Variants in RAP1GAP observed in about 807,000 individuals in gnomAD.
RAP1GAP encodes the protein rap1 GTPase-activating protein 1.
A neutral mutation model predicts 87.2 loss-of-function variants in RAP1GAP; 35 were observed. The ratio of observed to expected loss-of-function variants is 0.40; its 90% CI spans 0.31 to 0.53. The LOEUF (loss-of-function observed/expected upper bound fraction) is 0.53. RAP1GAP is among the 20% of genes least tolerant of loss of function. RAP1GAP has a pLI of 0.48. For missense variants in RAP1GAP, 734 were observed against 898.9 expected (o/e 0.82, Z 2.35); for synonymous variants, 375 against 363.9 (o/e 1.03, Z -0.35).
rs547309441 is a variant in RAP1GAP, at chr1:21,633,293, C to T, written c.-112-6896G>A. 1.7e-4 allele frequency among the ~76,000 whole-genome samples: 26 copies of T among 152,302 alleles called. No individual in the cohort carries two copies. In the South Asian group the frequency reaches 5.4e-3, roughly 32 times the overall value. ...CTCCAGCCTCAACCTCATACCTCCC[C>T]TTTCCTGTCCTGCCCCAGCCGCCTG... On this transcript the variant is annotated intron_variant, in intron 2 of 24. Coordinates refer to ENST00000374765, the MANE Select transcript of RAP1GAP (RefSeq NM_002885.4).
intron 3 of RAP1GAP, among the ~76,000 whole-genome samples, chr1:21,623,781 C>T (rs2090341123): frequency 6.6e-6 from 1 of 152,236 alleles, no homozygotes; most frequent in Non-Finnish European, 1.5e-5. Flanking sequence ...TGCTTCCGGG[C>T]ACCCATCGAA....
chr1:21,601,779 A>G lies in RAP1GAP; in HGVS notation c.1557T>C (p.Gly519=). The G allele has an allele frequency of 6.2e-7, 1 of 1,608,932 alleles. No homozygotes were observed. The highest frequency in any genetic ancestry group is 8.5e-7 in the Non-Finnish European group (1 of 1,177,612). The change falls in exon 20 of 25, where the codon GGT becomes GGC. Residue 519 remains glycine (G), a synonymous_variant. Coordinates refer to ENST00000374765, the MANE Select transcript of RAP1GAP (RefSeq NM_002885.4). The stretch of plus-strand genomic sequence containing the variant: ...CGTGCCCGCTGTCTGGGGTCTTCTG[A>G]CCAGCCGGAGGGCTCTCCCTGCGGG... ...VQEKRESPPA[G]QKTPDSGHVS... is the part of the protein sequence containing the mutation.
intron 3 of RAP1GAP, among the ~76,000 whole-genome samples, chr1:21,620,766 G>A (rs1437826329): frequency 6.6e-6 from 1 of 152,110 alleles, no homozygotes; most frequent in East Asian, 1.9e-4. Context: ...CCAGGATGGT[G>A]ACCCTCCCCC....
intron 3 of RAP1GAP, among the ~76,000 whole-genome samples, chr1:21,620,468 T>G (rs2086257243): frequency 6.6e-6 from 1 of 152,108 alleles, no homozygotes; most frequent in South Asian, 2.1e-4. Flanking sequence ...AGCCCACTGC[T>G]CAGACAGCCC....
chr1:21,659,413 C>A (rs2152295048), intron 1 of RAP1GAP, among the ~76,000 whole-genome samples: 1 of 152,328 alleles, frequency 6.6e-6, no homozygotes, highest in South Asian at 2.1e-4. Context: ...CTCGCCACCC[C>A]CCGCACTTCC....
At chr1:21,649,907 G>T in intron 1 of RAP1GAP, 111 bp from the exon 2 acceptor site, 1 of 1,165,820 alleles carries the variant, frequency 8.6e-7, no homozygotes, top group Non-Finnish European at 1.2e-6. Context: ...GGCTGGAGAA[G>T]GTCCTGTTTC....
In RAP1GAP at chr1:21,669,180, C is replaced by T; in HGVS notation, c.-149+74G>A. ...GCCCGCCCGCGCGGGGTCTTCGCTG[C>T]GAGCCGACGGGAGTCTGGACACCTC... On this transcript the variant is annotated intron_variant, in intron 1 of 24. Transcript: ENST00000374765. The surrounding 1 kb of genome is among the most constrained non-coding windows in gnomAD (Gnocchi z 5.6). The T allele has an allele frequency of 8.2e-7, 1 of 1,215,744 alleles. No homozygotes were observed. The highest frequency in any genetic ancestry group is 1.4e-5 in the South Asian group (1 of 72,108). 75.3% of individuals were successfully genotyped at this position (1,215,744 alleles called of 1,614,324 possible). A position where few individuals can be genotyped will look rare whatever the true frequency, so the allele number is the denominator to read the frequency against.
intron 13 of RAP1GAP, 146 bp from the exon 14 acceptor site, chr1:21,610,421 T>C (rs1213474947): frequency 2.3e-6 from 2 of 851,554 alleles, no homozygotes; most frequent in Non-Finnish European, 3.6e-6. Context: ...GCAAAAAAAC[T>C]TGTCTTAAAA....
chr1:21,635,304 A>G (rs60718161), intron 2 of RAP1GAP, among the ~76,000 whole-genome samples: 14,703 of 152,122 alleles, frequency 0.097, 975 homozygotes, highest in East Asian at 0.24. Flanking sequence ...TCCGCAGCCC[A>G]GGGGGTCTCC....
intron 2 of RAP1GAP, among the ~76,000 whole-genome samples, chr1:21,635,429 G>A (rs766599831): frequency 6.6e-6 from 1 of 152,122 alleles, no homozygotes; most frequent in Non-Finnish European, 1.5e-5. Context: ...ATGTCCTGAG[G>A]TCTGCTCTGG....
At chr1:21,617,593 G>C (rs949522442) in intron 6 of RAP1GAP, 102 bp from the exon 7 acceptor site, 3 of 1,307,938 alleles carry the variant, frequency 2.3e-6, no homozygotes, top group Non-Finnish European at 3.1e-6. Flanking sequence ...TCGTGGCTAA[G>C]GGGTATGAGG....
chr1:21,669,286 G>A lies in RAP1GAP; in HGVS notation c.-181C>T, dbSNP rs1021808030. 2 of 1,190,726 alleles carry A rather than the reference G, an allele frequency of 1.7e-6. No individual in the cohort carries two copies. The highest frequency in any genetic ancestry group is 2.1e-6 in the Non-Finnish European group (2 of 950,874). 73.8% of individuals were successfully genotyped at this position (1,190,726 alleles called of 1,614,324 possible). On this transcript the variant is annotated 5_prime_UTR_variant, in exon 1 of 25. Transcript: ENST00000374765. This position sits in a 1 kb window ranked among gnomAD's most constrained non-coding sequence, Gnocchi z 5.6. ...CCTGGGCCGGGGGCGTCCTGGGCTCGGCACTCTGGTGCCCGCGGCCGCCGC... is the reference window on the plus strand; with the variant it reads ...CCTGGGCCGGGGGCGTCCTGGGCTCAGCACTCTGGTGCCCGCGGCCGCCGC...
intron 2 of RAP1GAP, among the ~76,000 whole-genome samples, chr1:21,627,590 T>A (rs1210289306): frequency 2.0e-5 from 3 of 151,986 alleles, no homozygotes; most frequent in Non-Finnish European, 4.4e-5. Context: ...TAATTTTGTA[T>A]TTTTAGTAGA....
In RAP1GAP at chr1:21,613,119, C is replaced by T; in HGVS notation, c.528+57G>A. On this transcript the variant is annotated intron_variant, in intron 10 of 24. Coordinates refer to ENST00000374765, the MANE Select transcript of RAP1GAP (RefSeq NM_002885.4). The surrounding 1 kb of genome is among the most constrained non-coding windows in gnomAD (Gnocchi z 4.7). Reference sequence around the variant, plus strand: ...GCACACAGAAGGTGCTTAATAAATGCTCAGTCTTCCAGTTACTCACCCACC... The same window carrying T: ...GCACACAGAAGGTGCTTAATAAATGTTCAGTCTTCCAGTTACTCACCCACC... 1 of 1,491,040 alleles carries T rather than the reference C, an allele frequency of 6.7e-7. No individual in the cohort carries two copies. 92.4% of individuals were successfully genotyped at this position (1,491,040 alleles called of 1,614,324 possible). A position where few individuals can be genotyped will look rare whatever the true frequency, so the allele number is the denominator to read the frequency against.
intron 2 of RAP1GAP, among the ~76,000 whole-genome samples, chr1:21,642,297 C>T (rs1271938067): frequency 2.0e-5 from 3 of 152,242 alleles, no homozygotes; most frequent in African/African-American, 4.8e-5. Context: ...ACCATGACCG[C>T]GATGATGGCA....
At chr1:21,641,358 C>CT (rs2095508155) in intron 2 of RAP1GAP, among the ~76,000 whole-genome samples, 1 of 152,080 alleles carries the variant, frequency 6.6e-6, no homozygotes, top group Non-Finnish European at 1.5e-5. Flanking sequence ...GCCCCCAATC[C>CT]TTTACATTTT....
At chr1:21,627,395 G>A (rs922575363) in intron 2 of RAP1GAP, among the ~76,000 whole-genome samples, 6 of 149,492 alleles carry the variant, frequency 4.0e-5, no homozygotes, top group African/African-American at 1.5e-4. Flanking sequence ...AGAAAGCTGT[G>A]AGCCTCCCTT....
chr1:21,651,725 C>G, intron 1 of RAP1GAP: 1 of 1,465,696 alleles, frequency 6.8e-7, no homozygotes, highest in Non-Finnish European at 9.1e-7. Flanking sequence ...CCCCCCCACG[C>G]GTGCACACGC....
chr1:21,648,118 C>G (rs115519485), intron 2 of RAP1GAP, among the ~76,000 whole-genome samples: 3 of 152,288 alleles, frequency 2.0e-5, no homozygotes, highest in African/African-American at 7.2e-5. Flanking sequence ...TCCAGCTAGG[C>G]GAGCACGGGC....
Sources: gnomAD v4.1 joint callset for allele counts (sites outside exome capture counted in the v4.1 genomes callset) on GRCh38, gnomAD v4.1.1 for gene constraint, Gnocchi (gnomAD v3.1) non-coding constraint, MANE v1.5 for transcripts, NCBI Gene and HGNC (gene_info 2026-07-23, HGNC 2026-07-21) for gene names.